The following TRPC5 variants were observed in gnomAD, a reference collection of about 807,000 sequenced individuals.
TRPC5 encodes the protein short transient receptor potential channel 5.
Under a neutral mutation model 56.5 loss-of-function variants are expected in TRPC5, and 9 were observed. The ratio of observed to expected loss-of-function variants is 0.16; its 90% CI spans 0.10 to 0.28. The LOEUF is 0.28. Ranked by LOEUF, TRPC5 falls within the 10% of genes least tolerant of loss-of-function variation. TRPC5 has a pLI of 1.00. For synonymous variants in TRPC5, 282 were observed against 278.5 expected (o/e 1.01, Z -0.13); for missense variants, 469 against 748.9 (o/e 0.63, Z 4.36).
chrX:111,859,395 T>C (rs1477092122), intron 3 of TRPC5, among the ~76,000 whole-genome samples: 1 of 112,768 alleles, frequency 8.9e-6, no homozygotes, highest in Admixed American at 9.4e-5. Context: ...AGACAAATTA[T>C]GGTAGCAGTG....
intron 1 of TRPC5, among the ~76,000 whole-genome samples, chrX:111,962,580 G>C (rs986934695): frequency 8.9e-6 from 1 of 112,106 alleles, no homozygotes; most frequent in Non-Finnish European, 1.9e-5. Context: ...AAATAAAGTG[G>C]TTTCTTGAGA....
At chrX:111,904,329 C>T (rs1925505490) in intron 3 of TRPC5, among the ~76,000 whole-genome samples, 1 of 112,109 alleles carries the variant, frequency 8.9e-6, no homozygotes, top group Admixed American at 9.4e-5. Context: ...GAAAAATGTG[C>T]ATGCGTATGT....
intron 7 of TRPC5, among the ~76,000 whole-genome samples, chrX:111,785,290 G>A (rs1279516550): frequency 8.9e-6 from 1 of 112,040 alleles, no homozygotes; most frequent in Non-Finnish European, 1.9e-5. Context: ...TGGAACTACA[G>A]CAAACTCCAA....
chrX:111,963,691 G>A (rs748849022), intron 1 of TRPC5, among the ~76,000 whole-genome samples: 104 of 111,888 alleles, frequency 9.3e-4, no homozygotes, highest in Non-Finnish European at 1.3e-3. Context: ...TACAGCCACC[G>A]CTGCTGATAC....
At chrX:112,062,796 T>A (rs768064859) in intron 1 of TRPC5, among the ~76,000 whole-genome samples, 1 of 111,780 alleles carries the variant, frequency 8.9e-6, no homozygotes, top group East Asian at 2.8e-4. Flanking sequence ...GGGGAACTAC[T>A]GAAGGTAGAA....
At chrX:111,961,827 G>A (rs1009652426) in intron 1 of TRPC5, among the ~76,000 whole-genome samples, 1 of 111,572 alleles carries the variant, frequency 9.0e-6, no homozygotes, top group Admixed American at 9.5e-5. Context: ...CTTTCTAAGG[G>A]GAATGAAAAC....
intron 1 of TRPC5, among the ~76,000 whole-genome samples, chrX:112,054,984 A>G (rs1397008771): frequency 9.0e-6 from 1 of 111,665 alleles, no homozygotes; most frequent in Non-Finnish European, 1.9e-5. Flanking sequence ...CATGAACAAT[A>G]TGGGAAGGAT....
At chrX:111,790,011 A>C (rs1946005544) in intron 7 of TRPC5, among the ~76,000 whole-genome samples, 1 of 112,108 alleles carries the variant, frequency 8.9e-6, no homozygotes, top group Non-Finnish European at 1.9e-5. Context: ...CAATTCCTCA[A>C]GGATCTAGAA....
chrX:111,788,076 A>G (rs1054350110), intron 7 of TRPC5, among the ~76,000 whole-genome samples: 1 of 112,031 alleles, frequency 8.9e-6, no homozygotes, highest in African/African-American at 3.3e-5. Context: ...GGCCAACATC[A>G]TATTGATACC....
intron 1 of TRPC5, among the ~76,000 whole-genome samples, chrX:112,018,432 G>C (rs1296941614): frequency 8.9e-6 from 1 of 112,135 alleles, no homozygotes; most frequent in African/African-American, 3.2e-5. Flanking sequence ...CATGTCTTTA[G>C]TTTCACTAAT....
chrX:111,904,730 A>G (rs1489822779), intron 3 of TRPC5, among the ~76,000 whole-genome samples: 2 of 111,474 alleles, frequency 1.8e-5, no homozygotes, highest in Admixed American at 9.6e-5. Flanking sequence ...GCAGCAAACC[A>G]CCAAGGCACG....
At chrX:111,840,376 A>G (rs985082128) in intron 6 of TRPC5, among the ~76,000 whole-genome samples, 23 of 111,961 alleles carry the variant, frequency 2.1e-4, no homozygotes, top group African/African-American at 7.1e-4. Flanking sequence ...TAGCTAATAC[A>G]ATGAGAATGC....
intron 2 of TRPC5, among the ~76,000 whole-genome samples, chrX:111,940,318 C>T (rs1313793160): frequency 1.8e-5 from 2 of 111,762 alleles, no homozygotes; most frequent in Non-Finnish European, 3.8e-5. Flanking sequence ...ATGATCTGGA[C>T]TCTTTGTACC....
intron 1 of TRPC5, among the ~76,000 whole-genome samples, chrX:112,002,654 A>G (rs1928725791): frequency 8.9e-6 from 1 of 112,049 alleles, no homozygotes; most frequent in Admixed American, 9.5e-5. Flanking sequence ...TATCACATGT[A>G]GTACCATGTT....
intron 1 of TRPC5, among the ~76,000 whole-genome samples, chrX:112,028,710 A>C (rs953815729): frequency 8.9e-6 from 1 of 112,120 alleles, no homozygotes; most frequent in Non-Finnish European, 1.9e-5. Context: ...AGTCTTTGCT[A>C]TTGTGAATAG....
At chrX:111,826,879 T>C (rs747383677) in intron 7 of TRPC5, among the ~76,000 whole-genome samples, 4 of 111,810 alleles carry the variant, frequency 3.6e-5, no homozygotes, top group Non-Finnish European at 7.5e-5. Context: ...AGCCCTTTTA[T>C]CACTGGAACT....
At chrX:111,807,346 TGA>T (rs769178055) in intron 7 of TRPC5, among the ~76,000 whole-genome samples, 1 of 112,301 alleles carries the variant, frequency 8.9e-6, no homozygotes, top group Non-Finnish European at 1.9e-5. Flanking sequence ...ACTCTGCTAT[TGA>T]GAGACTCATG....
intron 1 of TRPC5, among the ~76,000 whole-genome samples, chrX:111,961,134 CAGTT>C (rs1249013880): frequency 1.8e-5 from 2 of 112,195 alleles, no homozygotes; most frequent in Admixed American, 9.4e-5. Flanking sequence ...TAAATGATAA[CAGTT>C]AGGGAATCTG....
At chrX:112,025,113 C>A (rs1289266319) in intron 1 of TRPC5, among the ~76,000 whole-genome samples, 1 of 111,624 alleles carries the variant, frequency 9.0e-6, no homozygotes, top group African/African-American at 3.3e-5. Flanking sequence ...GGATACAATG[C>A]CTTTCAGGAA....
Sources: gnomAD v4.1 joint callset for allele counts (sites outside exome capture counted in the v4.1 genomes callset) on GRCh38, gnomAD v4.1.1 for gene constraint, MANE v1.5 for transcripts, NCBI Gene and HGNC (gene_info 2026-07-23, HGNC 2026-07-21) for gene names.